Variants in SKAP1 observed in about 807,000 individuals in gnomAD.
SKAP1 encodes the protein src kinase associated phosphoprotein 1, also known as src kinase-associated phosphoprotein 1.
In SKAP1, 44 loss-of-function variants were observed where a neutral mutation model predicts 58.5. That is an observed-to-expected ratio of 0.75 (90% CI 0.59 to 0.97). The LOEUF (loss-of-function observed/expected upper bound fraction) is 0.97, where lower values mean the gene tolerates loss of function less well. Among genes scored for constraint, SKAP1 ranks in the 50% least tolerant of loss-of-function variants. The probability of loss-of-function intolerance (pLI) is 0.00; values close to 1 mark genes in which losing one functional copy is unlikely to be tolerated. For missense variants in SKAP1, 390 were observed against 435.2 expected, an observed-to-expected ratio of 0.90 and a Z score of 0.92; for synonymous variants, 127 against 149.7, an observed-to-expected ratio of 0.85 and a Z score of 1.11.
chr17:48,386,830 A>G (rs1211546583), intron 2 of SKAP1, among the ~76,000 whole-genome samples: 1 of 152,206 alleles, frequency 6.6e-6, no homozygotes, highest in African/African-American at 2.4e-5. Context: ...TCAAACATCT[A>G]TCTCATGTGA....
intron 1 of SKAP1, among the ~76,000 whole-genome samples, chr17:48,410,934 C>CAAAAAAAAAAAAA (rs61705374): frequency 3.0e-5 from 2 of 66,972 alleles, no homozygotes; most frequent in Admixed American, 2.3e-4. Flanking sequence ...GACTCCATTT[C>CAAAAAAAAAAAAA]AAAAAAAAAA....
intron 4 of SKAP1, among the ~76,000 whole-genome samples, chr17:48,340,513 TC>T (rs2066637187): frequency 1.3e-5 from 2 of 152,164 alleles, no homozygotes; most frequent in Admixed American, 1.3e-4. Flanking sequence ...AATGAATGTT[TC>T]TGAAGCACAC....
intron 4 of SKAP1, among the ~76,000 whole-genome samples, chr17:48,210,802 A>G (rs2064862398): frequency 6.6e-6 from 1 of 152,202 alleles, no homozygotes; most frequent in Admixed American, 6.5e-5. Flanking sequence ...GGCCACTTGT[A>G]GTCATTTCAT....
At chr17:48,370,057 A>T (rs778576434) in intron 2 of SKAP1, among the ~76,000 whole-genome samples, 1 of 152,192 alleles carries the variant, frequency 6.6e-6, no homozygotes, top group Admixed American at 6.5e-5. Context: ...TCGTCTACAG[A>T]TATATTTCAG....
intron 1 of SKAP1, among the ~76,000 whole-genome samples, chr17:48,422,014 C>T (rs946756168): frequency 2.0e-5 from 3 of 152,084 alleles, no homozygotes; most frequent in Non-Finnish European, 4.4e-5. Context: ...AGATCGAGAC[C>T]ATCCTGGCCA....
upstream of SKAP1, among the ~76,000 whole-genome samples, chr17:48,432,688 G>A (rs1362102748): frequency 6.6e-6 from 1 of 152,118 alleles, no homozygotes; most frequent in African/African-American, 2.4e-5. Flanking sequence ...AATACAGCAA[G>A]GGCAGCAAAG....
At chr17:48,171,830 AG>A (rs1413200523) in intron 9 of SKAP1, among the ~76,000 whole-genome samples, 1 of 151,794 alleles carries the variant, frequency 6.6e-6, no homozygotes, top group Admixed American at 6.6e-5. Context: ...TGGGAGGCCG[AG>A]GCGGGCAGAT....
intron 4 of SKAP1, among the ~76,000 whole-genome samples, chr17:48,305,890 T>C (rs1011301520): frequency 1.3e-5 from 2 of 152,072 alleles, no homozygotes; most frequent in African/African-American, 4.8e-5. Flanking sequence ...CAAAAAAAAA[T>C]TGTTGTGGCT....
At chr17:48,385,077 T>G (rs2067259461) in intron 2 of SKAP1, among the ~76,000 whole-genome samples, 1 of 152,178 alleles carries the variant, frequency 6.6e-6, no homozygotes, top group Non-Finnish European at 1.5e-5. Context: ...GAGAGTTTTT[T>G]ACATTTATGA....
intron 4 of SKAP1, among the ~76,000 whole-genome samples, chr17:48,195,719 C>T (rs887690281): frequency 3.3e-5 from 5 of 151,992 alleles, no homozygotes; most frequent in African/African-American, 9.7e-5. Flanking sequence ...ACTAAAGGAC[C>T]CCAGAAAATG....
At chr17:48,432,978 A>G (rs973884167), upstream of SKAP1, among the ~76,000 whole-genome samples, 2 of 152,188 alleles carry the variant, frequency 1.3e-5, no homozygotes. Context: ...ACAGGGGTAG[A>G]GGGAGGTGCA....
chr17:48,294,803 C>T (rs2065943673), intron 4 of SKAP1, among the ~76,000 whole-genome samples: 1 of 152,106 alleles, frequency 6.6e-6, no homozygotes, highest in Non-Finnish European at 1.5e-5. Context: ...CACAAGTTTT[C>T]AAAAGTGGCC....
At chr17:48,247,220 ACC>A (rs1448488434) in intron 4 of SKAP1, among the ~76,000 whole-genome samples, 1 of 152,172 alleles carries the variant, frequency 6.6e-6, no homozygotes, top group East Asian at 1.9e-4. Context: ...AGGAGACCAA[ACC>A]CTGCCTTCCT....
chr17:48,412,942 A>G (rs373555358), intron 1 of SKAP1, among the ~76,000 whole-genome samples: 12 of 152,052 alleles, frequency 7.9e-5, no homozygotes, highest in East Asian at 7.7e-4. Context: ...TACCTGCACT[A>G]CTCAGGGGAA....
At chr17:48,257,893 G>T (rs1373169246) in intron 4 of SKAP1, among the ~76,000 whole-genome samples, 1 of 151,926 alleles carries the variant, frequency 6.6e-6, no homozygotes. Context: ...TATATCTCCT[G>T]AATGCATGCA....
intron 4 of SKAP1, among the ~76,000 whole-genome samples, chr17:48,245,394 C>T (rs144787998): frequency 3.9e-5 from 6 of 152,104 alleles, no homozygotes; most frequent in African/African-American, 1.4e-4. Flanking sequence ...CTGTTGATTA[C>T]GAGAAGTAGA....
intron 4 of SKAP1, among the ~76,000 whole-genome samples, chr17:48,265,771 A>G (rs1489681482): frequency 6.6e-6 from 1 of 152,078 alleles, no homozygotes. Flanking sequence ...AACTAGGGAG[A>G]AAACACCTTT....
intron 4 of SKAP1, among the ~76,000 whole-genome samples, chr17:48,324,571 C>A (rs1443208397): frequency 1.3e-5 from 2 of 152,024 alleles, no homozygotes; most frequent in African/African-American, 4.8e-5. Context: ...TTTCACTTAA[C>A]AATTAACATC....
At chr17:48,419,809 T>C (rs1337010348) in intron 1 of SKAP1, among the ~76,000 whole-genome samples, 1 of 152,156 alleles carries the variant, frequency 6.6e-6, no homozygotes, top group Non-Finnish European at 1.5e-5. Context: ...AAAATTTTAT[T>C]TTCCCATAAC....
Sources: allele counts gnomAD v4.1 joint callset (sites outside exome capture counted in the v4.1 genomes callset), GRCh38; gene constraint gnomAD v4.1.1; transcripts MANE v1.5; gene names NCBI Gene and HGNC (gene_info 2026-07-23, HGNC 2026-07-21).